Variants in ULK4 observed in about 807,000 individuals in gnomAD.
ULK4 encodes inactive serine/threonine-protein kinase ULK4.
ULK4 carries 133 observed loss-of-function variants against 160.6 expected under a neutral mutation model. The observed-to-expected ratio is 0.83, with a 90% CI of 0.72 to 0.96. ULK4 has a LOEUF of 0.96. Ranked by LOEUF, ULK4 falls within the 40% of genes least tolerant of loss-of-function variation. The pLI is 0.00. For synonymous variants in ULK4, 534 were observed against 539.8 expected (o/e 0.99, Z 0.15); for missense variants, 1,580 against 1,499.5 (o/e 1.05, Z -0.89).
chr3:41,851,766 T>C (rs1278482549), intron 17 of ULK4, among the ~76,000 whole-genome samples: 1 of 152,002 alleles, frequency 6.6e-6, no homozygotes, highest in Non-Finnish European at 1.5e-5. Context: ...GGGAAATTTA[T>C]AGCACTAAAT....
intron 29 of ULK4, among the ~76,000 whole-genome samples, chr3:41,668,586 G>A (rs1240284191): frequency 2.0e-5 from 3 of 152,142 alleles, no homozygotes; most frequent in Non-Finnish European, 4.4e-5. Context: ...ACTCTATGAT[G>A]TTTGCACAAT....
intron 22 of ULK4, among the ~76,000 whole-genome samples, chr3:41,744,170 A>G (rs764718490): frequency 6.6e-6 from 1 of 151,892 alleles, no homozygotes; most frequent in Non-Finnish European, 1.5e-5. Context: ...GAAACAAAAT[A>G]AGGAATAAAA....
intron 36 of ULK4, among the ~76,000 whole-genome samples, chr3:41,248,030 C>T (rs2078677236): frequency 6.6e-6 from 1 of 152,204 alleles, no homozygotes; most frequent in Non-Finnish European, 1.5e-5. Context: ...GACCACCAGC[C>T]TCATGGACCA....
Position 41,777,844 on chromosome 3 carries a change from T to C in ULK4, c.2193+11817A>G, listed in dbSNP as rs1175558407. Among the ~76,000 whole-genome samples, 10 of 142,630 alleles carry C rather than the reference T, an allele frequency of 7.0e-5. 2 individuals carry two copies. The highest frequency in any genetic ancestry group is 1.5e-5 in the Non-Finnish European group (1 of 65,002). 93.6% of individuals were successfully genotyped at this position (142,630 alleles called of 152,430 possible). A position where few individuals can be genotyped will look rare whatever the true frequency, so the allele number is the denominator to read the frequency against. On this transcript the variant is annotated intron_variant, in intron 21 of 36. Transcript: ENST00000301831. Reference sequence around the variant, plus strand: ...TGCTGAGGAGAGCTTTACTTCCAACTACATGGTCAATTTAAACCCACAGCC... The same window carrying C: ...TGCTGAGGAGAGCTTTACTTCCAACCACATGGTCAATTTAAACCCACAGCC...
At chr3:41,340,935 T>C (rs1559533273) in intron 35 of ULK4, among the ~76,000 whole-genome samples, 1 of 152,178 alleles carries the variant, frequency 6.6e-6, no homozygotes, top group African/African-American at 2.4e-5. Context: ...AAGGAGCAAG[T>C]TTCTCCTCCT....
chr3:41,835,815 G>C (rs1447517371), intron 18 of ULK4, 49 bp downstream of exon 18: 1 of 1,373,012 alleles, frequency 7.3e-7, no homozygotes, highest in African/African-American at 1.5e-5. Flanking sequence ...GTCAGCCAGA[G>C]TATGTCAGAA....
chr3:41,388,436 T>C (rs1029428170), intron 35 of ULK4, among the ~76,000 whole-genome samples: 15 of 152,076 alleles, frequency 9.9e-5, no homozygotes, highest in Non-Finnish European at 1.5e-4. Flanking sequence ...GTTTTAGACA[T>C]GAAGTCCTTG....
chr3:41,640,906 A>T (rs966313199), intron 30 of ULK4, among the ~76,000 whole-genome samples: 2 of 152,218 alleles, frequency 1.3e-5, no homozygotes, highest in African/African-American at 4.8e-5. Flanking sequence ...TTGTCCCTGG[A>T]AACTCTCAGA....
At chr3:41,659,778 G>A (rs1429144166) in intron 30 of ULK4, among the ~76,000 whole-genome samples, 2 of 151,892 alleles carry the variant, frequency 1.3e-5, no homozygotes, top group Non-Finnish European at 2.9e-5. Context: ...ACATTTATGA[G>A]AGTATTCATT....
intron 16 of ULK4, among the ~76,000 whole-genome samples, chr3:41,884,300 T>A (rs1168273252): frequency 1.3e-5 from 2 of 152,220 alleles, no homozygotes; most frequent in Non-Finnish European, 2.9e-5. Flanking sequence ...ACAGAGGCAT[T>A]TGGCTAAAGG....
At chr3:41,506,502 C>A (rs1459880156) in intron 32 of ULK4, among the ~76,000 whole-genome samples, 1 of 151,946 alleles carries the variant, frequency 6.6e-6, no homozygotes, top group Non-Finnish European at 1.5e-5. Flanking sequence ...GTGTAGAAAT[C>A]CTGGATTGTA....
intron 31 of ULK4, among the ~76,000 whole-genome samples, chr3:41,586,439 T>C (rs1024943249): frequency 6.6e-6 from 1 of 152,240 alleles, no homozygotes; most frequent in African/African-American, 2.4e-5. Context: ...GTGTGTAAAG[T>C]AGTCAAAATC....
chr3:41,687,208 A>C (rs186359714), intron 27 of ULK4, among the ~76,000 whole-genome samples: 343 of 152,246 alleles, frequency 2.3e-3, no homozygotes, highest in African/African-American at 7.6e-3. Flanking sequence ...CCCCGTATCT[A>C]CTAAAAATAC....
intron 35 of ULK4, among the ~76,000 whole-genome samples, chr3:41,311,833 C>T (rs1231588076): frequency 6.6e-6 from 1 of 151,286 alleles, no homozygotes; most frequent in Non-Finnish European, 1.5e-5. Flanking sequence ...TCCCAAAGTT[C>T]TGGGATTACA....
At chr3:41,319,799 T>C (rs1191683067) in intron 35 of ULK4, among the ~76,000 whole-genome samples, 1 of 152,132 alleles carries the variant, frequency 6.6e-6, no homozygotes, top group Non-Finnish European at 1.5e-5. Flanking sequence ...TTCAAAGAGG[T>C]TAAATAACTC....
At chr3:41,619,617 T>A (rs1050203142) in intron 30 of ULK4, among the ~76,000 whole-genome samples, 4 of 151,982 alleles carry the variant, frequency 2.6e-5, no homozygotes, top group African/African-American at 9.7e-5. Flanking sequence ...GCTAAAGCAG[T>A]GCTTACAGGG....
chr3:41,305,755 C>T (rs1454050528), intron 35 of ULK4, among the ~76,000 whole-genome samples: 1 of 149,580 alleles, frequency 6.7e-6, no homozygotes, highest in African/African-American at 2.5e-5. Flanking sequence ...GCCCGGCCGC[C>T]GTCCCACCTA....
chr3:41,635,388 T>TAAAAAAAAAAAAAAA (rs2033910782), intron 30 of ULK4, among the ~76,000 whole-genome samples: 1 of 151,954 alleles, frequency 6.6e-6, no homozygotes, highest in Non-Finnish European at 1.5e-5. Context: ...GTCCTAATTA[T>TAAAAAAAAAAAAAAA]AAAAAATAAT....
At chr3:41,250,829 T>A (rs942224079) in intron 35 of ULK4, 1 of 152,208 alleles carries the variant, frequency 6.6e-6, no homozygotes, top group Non-Finnish European at 1.5e-5. Context: ...TGTAAATTTG[T>A]TCTGAAATTG....
Sources: allele counts gnomAD v4.1 joint callset (sites outside exome capture counted in the v4.1 genomes callset), GRCh38; gene constraint gnomAD v4.1.1; transcripts MANE v1.5; gene names NCBI Gene and HGNC (gene_info 2026-07-23, HGNC 2026-07-21).